DCDC1: variants seen among roughly 807,000 people sequenced by gnomAD.
The protein encoded by DCDC1 is doublecortin domain-containing protein 1.
Under a neutral mutation model 178.3 loss-of-function variants are expected in DCDC1, and 200 were observed. The observed-to-expected ratio is 1.12, with a 90% CI of 1.00 to 1.26. The LOEUF (loss-of-function observed/expected upper bound fraction) is 1.26, where lower values mean the gene tolerates loss of function less well. Among genes scored for constraint, DCDC1 ranks in the 50% most tolerant of loss-of-function variants. The pLI is 0.00. For synonymous variants in DCDC1, 690 were observed against 604.8 expected (o/e 1.14, Z -2.07); for missense variants, 1,983 against 1,749.2 (o/e 1.13, Z -2.38).
At chr11:31,029,604 T>A (rs1953486006) in intron 20 of DCDC1, among the ~76,000 whole-genome samples, 1 of 152,140 alleles carries the variant, frequency 6.6e-6, no homozygotes, top group South Asian at 2.1e-4. Context: ...TTGTTTTGGT[T>A]CTTCTCTCAC....
chr11:30,879,789 C>CATCT (rs1327393415), intron 37 of DCDC1, among the ~76,000 whole-genome samples: 1 of 152,124 alleles, frequency 6.6e-6, no homozygotes, highest in African/African-American at 2.4e-5. Context: ...AGGCAGCCAA[C>CATCT]ATCTCTCTTT....
chr11:31,301,173 G>GT (rs549568657), intron 6 of DCDC1, among the ~76,000 whole-genome samples: 88 of 150,628 alleles, frequency 5.8e-4, no homozygotes, highest in Non-Finnish European at 1.1e-3. Context: ...AGAAGAAAAT[G>GT]TTTTTTTTTC....
intron 1 of DCDC1, among the ~76,000 whole-genome samples, chr11:31,361,926 G>GA (rs1288375800): frequency 6.6e-6 from 1 of 152,184 alleles, no homozygotes; most frequent in Non-Finnish European, 1.5e-5. Context: ...CCTGAGGCAA[G>GA]AAACTAGAAA....
At chr11:31,321,239 C>T (rs1448739509) in intron 3 of DCDC1, among the ~76,000 whole-genome samples, 1 of 73,892 alleles carries the variant, frequency 1.4e-5, no homozygotes, top group African/African-American at 5.6e-5. Flanking sequence ...CAATGGCGGG[C>T]GCCCCTCCCC....
At chr11:31,216,832 T>C (rs1299755389) in intron 9 of DCDC1, among the ~76,000 whole-genome samples, 1 of 152,222 alleles carries the variant, frequency 6.6e-6, no homozygotes, top group Non-Finnish European at 1.5e-5. Context: ...GCCTAGATTC[T>C]GTGCTGACTG....
At chr11:31,002,620 T>C (rs993012409) in intron 20 of DCDC1, among the ~76,000 whole-genome samples, 3 of 152,188 alleles carry the variant, frequency 2.0e-5, no homozygotes, top group African/African-American at 4.8e-5. Flanking sequence ...ATAATTTCTA[T>C]TGCTGTAAGT....
chr11:31,281,442 AATTT>A (rs1946421025), intron 7 of DCDC1, among the ~76,000 whole-genome samples: 1 of 151,820 alleles, frequency 6.6e-6, no homozygotes, highest in Non-Finnish European at 1.5e-5. Flanking sequence ...TTGCTATGAA[AATTT>A]TTTTTTGTTT....
At chr11:31,324,447 A>G (rs1043987841) in intron 3 of DCDC1, among the ~76,000 whole-genome samples, 3 of 152,104 alleles carry the variant, frequency 2.0e-5, no homozygotes, top group African/African-American at 4.8e-5. Context: ...AAAAGAAACA[A>G]TGATCTAGTC....
Position 31,305,677 on chromosome 11 carries a change from T to A in DCDC1, c.692A>T (p.His231Leu). 1 of 1,613,920 alleles carries A rather than the reference T, an allele frequency of 6.2e-7. No individual in the cohort carries two copies. Among genetic ancestry groups the A allele is most frequent in the South Asian group, 1.1e-5 (1 of 91,070 alleles). The change falls in exon 6 of 39, where the codon CAT (histidine) becomes CTT (leucine). Residue 231 changes from histidine (H) to leucine (L), a missense_variant. Coordinates refer to ENST00000684477, the MANE Select transcript of DCDC1 (RefSeq NM_001387274.1). ...CGTTGAAACATAAACATCGGCTTCATGGGGTATATCTTCAGGTTCGAGGGC... is the reference window on the plus strand; with the variant it reads ...CGTTGAAACATAAACATCGGCTTCAAGGGGTATATCTTCAGGTTCGAGGGC... The part of the protein sequence containing the change: ...KEALEPEDIP[H>L]EADVYVSTGE...
intron 11 of DCDC1, among the ~76,000 whole-genome samples, chr11:31,119,500 A>G (rs1433036388): frequency 5.3e-5 from 8 of 152,210 alleles, no homozygotes; most frequent in Non-Finnish European, 1.2e-4. Context: ...GACACGGATC[A>G]AGGAATGTAC....
chr11:31,115,979 A>C (rs866720379), intron 11 of DCDC1, among the ~76,000 whole-genome samples: 1 of 9,856 alleles, frequency 1.0e-4, no homozygotes, highest in African/African-American at 3.9e-4. Flanking sequence ...TAGCTGTGGC[A>C]GTGGGGGGGG....
rs79997367 is a variant in DCDC1, at chr11:31,221,657, C to T, written c.1221+19793G>A. Reference sequence around the variant, plus strand: ...CTGGTAGTATCTCTGCTGGCATAACCCCATCTCCATTCCTGGTCTCTGCTG... The same window carrying T: ...CTGGTAGTATCTCTGCTGGCATAACTCCATCTCCATTCCTGGTCTCTGCTG... On this transcript the variant is annotated intron_variant, in intron 9 of 38. Transcript: ENST00000684477. Among the ~76,000 whole-genome samples the T allele has an allele frequency of 8.3e-3, 1,257 of 152,252 alleles. 22 individuals are homozygous for T. The highest frequency in any genetic ancestry group is 0.029 in the African/African-American group (1,203 of 41,548).
In DCDC1 at chr11:31,133,983, G is replaced by A. The variant is rs541380855; in HGVS notation, c.1314+3709C>T. Among the ~76,000 whole-genome samples the A allele has an allele frequency of 2.7e-3, 409 of 152,310 alleles. 2 individuals are homozygous for A. The highest frequency in any genetic ancestry group is 4.0e-3 in the Non-Finnish European group (274 of 68,030). ...CTCCCAAAGTGCTGGGACTACAGGC[G>A]TGAGCCACCACGCCTGGCCCAAATA... On this transcript the variant is annotated intron_variant, in intron 10 of 38. Coordinates refer to ENST00000684477, the MANE Select transcript of DCDC1 (RefSeq NM_001387274.1).
intron 1 of DCDC1, among the ~76,000 whole-genome samples, chr11:31,342,613 G>T (rs190806854): frequency 1.3e-5 from 2 of 152,270 alleles, no homozygotes; most frequent in Admixed American, 1.3e-4. Context: ...ATGATAGGAG[G>T]GGTGAGGCTC....
At chr11:31,291,839 T>C (rs1947250366) in intron 6 of DCDC1, among the ~76,000 whole-genome samples, 1 of 152,106 alleles carries the variant, frequency 6.6e-6, no homozygotes, top group African/African-American at 2.4e-5. Context: ...CAAATGATCT[T>C]TCTCTGTTAG....
chr11:30,927,038 TAC>T (rs960361885), intron 22 of DCDC1, among the ~76,000 whole-genome samples: 1 of 152,134 alleles, frequency 6.6e-6, no homozygotes, highest in Non-Finnish European at 1.5e-5. Flanking sequence ...GGAGCTGTTC[TAC>T]ACTCTTTCAG....
intron 18 of DCDC1, among the ~76,000 whole-genome samples, chr11:31,069,053 G>A (rs919232781): frequency 3.9e-5 from 6 of 151,902 alleles, no homozygotes; most frequent in East Asian, 1.9e-4. Flanking sequence ...GGGTTTCACC[G>A]TGTTAGCCAG....
At chr11:30,954,360 TCA>T (rs1488423567) in intron 20 of DCDC1, among the ~76,000 whole-genome samples, 1 of 152,104 alleles carries the variant, frequency 6.6e-6, no homozygotes, top group Non-Finnish European at 1.5e-5. Flanking sequence ...GGAAAAAACC[TCA>T]CAGATTTGAA....
At chr11:31,076,552 G>T (rs573956682) in intron 18 of DCDC1, among the ~76,000 whole-genome samples, 1 of 152,066 alleles carries the variant, frequency 6.6e-6, no homozygotes, top group East Asian at 1.9e-4. Flanking sequence ...TTGCCATGTT[G>T]CCCATGCTGG....
Sources: allele counts gnomAD v4.1 joint callset (sites outside exome capture counted in the v4.1 genomes callset), GRCh38; gene constraint gnomAD v4.1.1; transcripts MANE v1.5; gene names NCBI Gene and HGNC (gene_info 2026-07-23, HGNC 2026-07-21).